Variants in KIF20B observed in about 807,000 individuals in gnomAD.
KIF20B encodes kinesin family member 20B.
Under a neutral mutation model 232.5 loss-of-function variants are expected in KIF20B, and 188 were observed. The ratio of observed to expected loss-of-function variants is 0.81; its 90% CI spans 0.72 to 0.91. The LOEUF (loss-of-function observed/expected upper bound fraction) is 0.91. Among genes scored for constraint, KIF20B ranks in the 40% least tolerant of loss-of-function variants. The pLI is 0.00. For missense variants in KIF20B, 2,154 were observed against 2,055.9 expected (o/e 1.05, Z -0.92); for synonymous variants, 712 against 683.0 (o/e 1.04, Z -0.66).
intron 24 of KIF20B, 121 bp downstream of exon 24, chr10:89,751,592 G>T: frequency 3.1e-6 from 3 of 957,108 alleles, no homozygotes; most frequent in Admixed American, 3.0e-5. Flanking sequence ...AAAAGTATTT[G>T]GTGTTTTTTG....
Position 89,745,956 on chromosome 10 carries a change from A to G in KIF20B, c.4093A>G (p.Lys1365Glu). 6.2e-7 allele frequency: 1 copy of G among 1,609,548 alleles called. No individual in the cohort carries two copies. The highest frequency in any genetic ancestry group is 2.2e-5 in the East Asian group (1 of 44,840). Reference protein sequence around the residue: ...EAIQQYERACKDLNVKEKIIE... With the variant: ...EAIQQYERACEDLNVKEKIIE... ...TATACAACAGTATGAGAGAGCATGC[A>G]AAGGTCAGGAACAAGTTTGTACTTC... is the stretch of plus-strand genomic sequence containing the variant. The change falls in exon 23 of 33, where the codon AAA (lysine) becomes GAA (glutamate). Residue 1365 changes from lysine (K) to glutamate (E), a missense_variant. By Grantham distance (56) the Lys-to-Glu change is moderately conservative. Coordinates refer to ENST00000371728, the MANE Select transcript of KIF20B (RefSeq NM_001284259.2).
At chr10:89,715,637 G>A (rs772963373) in intron 8 of KIF20B, among the ~76,000 whole-genome samples, 11 of 152,028 alleles carry the variant, frequency 7.2e-5, no homozygotes, top group South Asian at 2.1e-4. Flanking sequence ...CAAAAGTTTC[G>A]TTAATTATAC....
chr10:89,705,464 GTTGA>G (rs758209668), intron 2 of KIF20B, 23 bp downstream of exon 2: 1 of 1,607,874 alleles, frequency 6.2e-7, no homozygotes, highest in Admixed American at 1.7e-5. Flanking sequence ...AAAGTATTGT[GTTGA>G]TTATCATGCC....
chr10:89,741,286 T>C (rs1293662910), intron 21 of KIF20B, among the ~76,000 whole-genome samples: 6 of 152,128 alleles, frequency 3.9e-5, no homozygotes. Context: ...CAGGCGGTAA[T>C]GTGAGTGATG....
intron 29 of KIF20B, among the ~76,000 whole-genome samples, chr10:89,763,405 G>C (rs1166029693): frequency 6.6e-6 from 1 of 152,188 alleles, no homozygotes; most frequent in African/African-American, 2.4e-5. Context: ...TTACTGGAGA[G>C]CCATTTCAGT....
intron 29 of KIF20B, among the ~76,000 whole-genome samples, chr10:89,766,721 A>G (rs1257870392): frequency 6.6e-6 from 1 of 152,158 alleles, no homozygotes; most frequent in South Asian, 2.1e-4. Context: ...AATAGTATTA[A>G]CTATACTCCT....
intron 1 of KIF20B, 24 bp from the exon 2 acceptor site, chr10:89,705,270 A>C: frequency 6.2e-7 from 1 of 1,611,020 alleles, no homozygotes; most frequent in Non-Finnish European, 8.5e-7. Flanking sequence ...AAGGTTGTTA[A>C]AGAAGTTGCT....
intron 13 of KIF20B, among the ~76,000 whole-genome samples, chr10:89,722,581 A>G (rs979189330): frequency 2.0e-5 from 3 of 152,146 alleles, no homozygotes; most frequent in Non-Finnish European, 4.4e-5. Context: ...AGGCAGGAGA[A>G]TGGCGTGAAC....
intron 13 of KIF20B, among the ~76,000 whole-genome samples, chr10:89,722,533 G>A (rs576156613): frequency 1.7e-3 from 262 of 152,224 alleles, no homozygotes; most frequent in African/African-American, 6.0e-3. Context: ...GCCAGGCGTG[G>A]TTTCTGGCGC....
chr10:89,768,404 A>G lies in KIF20B; in HGVS notation c.5091+13A>G. 1 of 1,437,602 alleles carries G rather than the reference A, an allele frequency of 7.0e-7. No individual in the cohort carries two copies. Among genetic ancestry groups the G allele is most frequent in the Non-Finnish European group, 9.6e-7 (1 of 1,040,486 alleles). 89.1% of individuals were successfully genotyped at this position (1,437,602 alleles called of 1,614,324 possible). On this transcript the variant is annotated intron_variant, in intron 30 of 32. Coordinates refer to ENST00000371728, the MANE Select transcript of KIF20B (RefSeq NM_001284259.2). ...AAAGGAACAAAAGGTGTGTCTTTTAATTTGTCCAAAATTGTAGCAATTATC... is the reference window on the plus strand; with the variant it reads ...AAAGGAACAAAAGGTGTGTCTTTTAGTTTGTCCAAAATTGTAGCAATTATC...
At chr10:89,703,800 T>C (rs1318848565) in intron 1 of KIF20B, among the ~76,000 whole-genome samples, 9 of 149,660 alleles carry the variant, frequency 6.0e-5, no homozygotes, top group Admixed American at 6.0e-4. Flanking sequence ...GTGTTCAGGC[T>C]GGAGCGCAGT....
At position 89,737,845 on chromosome 10, in the gene KIF20B, T is replaced by C; in HGVS notation, c.3004T>C (p.Ser1002Pro). ...TACTCTTGATTCAGTTTCTCAGATT[T>C]CAAACATAGATTTGCTCAATCTCAG... ...LRTLDSVSQI[S>P]NIDLLNLRDL... Residue 1002 changes from serine to proline, a missense_variant, in exon 20 of 33, where the codon TCA becomes CCA. Coordinates refer to ENST00000371728, the MANE Select transcript of KIF20B (RefSeq NM_001284259.2). 1 of 1,613,568 alleles carries C rather than the reference T, an allele frequency of 6.2e-7. No individual in the cohort carries two copies. The highest frequency in any genetic ancestry group is 1.1e-5 in the South Asian group (1 of 91,066).
In KIF20B at chr10:89,721,440, G is replaced by A. The variant is rs148131548; in HGVS notation, c.1722+1734G>A. On this transcript the variant is annotated intron_variant, in intron 13 of 32. Coordinates refer to ENST00000371728, the MANE Select transcript of KIF20B (RefSeq NM_001284259.2). The stretch of plus-strand genomic sequence containing the variant: ...TAATTCGAGCACTTTGGGAAGCTGA[G>A]GTAGGAGGATTGCTTGAGCTCAGGA... Among the ~76,000 whole-genome samples the A allele has an allele frequency of 2.7e-3, 411 of 152,276 alleles. 6 individuals are homozygous for A. The highest frequency in any genetic ancestry group is 0.01 in the Middle Eastern group (3 of 294).
Position 89,758,621 on chromosome 10 carries a change from G to C in KIF20B, c.4504-85G>C, listed in dbSNP as rs1050208532. The C allele has an allele frequency of 3.6e-6, 3 of 842,958 alleles. No homozygotes were observed. In the African/African-American group the frequency reaches 5.3e-5, roughly 15 times the overall value. 52.2% of individuals were successfully genotyped at this position (842,958 alleles called of 1,614,324 possible). ...TAATCTTGTTTGCAGCTATATTTAT[G>C]GTGTTACATATAATAATTTCTAAAC... On this transcript the variant is annotated intron_variant, in intron 26 of 32. Coordinates refer to ENST00000371728, the MANE Select transcript of KIF20B (RefSeq NM_001284259.2).
intron 22 of KIF20B, among the ~76,000 whole-genome samples, chr10:89,744,704 A>G (rs182596832): frequency 3.9e-5 from 6 of 152,216 alleles, no homozygotes. Context: ...TGAGGCAACA[A>G]TAAAAAAAAT....
At position 89,729,222 on chromosome 10, in the gene KIF20B, A is replaced by T. The variant is rs3758388; in HGVS notation, c.2366A>T (p.His789Leu). 302,521 of 1,479,118 alleles carry T rather than the reference A, an allele frequency of 0.2. 33,299 individuals are homozygous for T. The highest frequency in any genetic ancestry group is 0.32 in the East Asian group (12,710 of 39,126). The allele number at this position is 1,479,118 out of a possible 1,614,324, so 91.6% of individuals were successfully genotyped here. A position where few individuals can be genotyped will look rare whatever the true frequency, so the allele number is the denominator to read the frequency against. Residue 789 changes from histidine to leucine, a missense_variant, in exon 18 of 33, where the codon CAT (histidine) becomes CTT (leucine). Transcript: ENST00000371728. Reference protein sequence around the residue: ...TINEFQNLKSHMENTFKCNDK... With the variant: ...TINEFQNLKSLMENTFKCNDK... ...AACGAATTTCAGAACCTAAAGTCTC[A>T]TATGGAAAACACATTTAAATGCAAT...
At chr10:89,769,585 C>G (rs1842428347) in intron 31 of KIF20B, among the ~76,000 whole-genome samples, 1 of 151,696 alleles carries the variant, frequency 6.6e-6, no homozygotes, top group African/African-American at 2.4e-5. Context: ...TCATAAATAC[C>G]TATTGAGTTT....
At chr10:89,741,706 A>G (rs1280729744) in intron 21 of KIF20B, among the ~76,000 whole-genome samples, 3 of 152,186 alleles carry the variant, frequency 2.0e-5, no homozygotes, top group African/African-American at 7.2e-5. Context: ...GTGGCCAACC[A>G]TGAGCTGAAA....
chr10:89,765,320 A>G (rs1402417150), intron 29 of KIF20B, among the ~76,000 whole-genome samples: 2 of 152,274 alleles, frequency 1.3e-5, no homozygotes, highest in South Asian at 2.1e-4. Flanking sequence ...TAGGAATCCA[A>G]CTTACAAGGG....
Sources: gnomAD v4.1 joint callset for allele counts (sites outside exome capture counted in the v4.1 genomes callset) on GRCh38, gnomAD v4.1.1 for gene constraint, MANE v1.5 for transcripts, NCBI Gene and HGNC (gene_info 2026-07-23, HGNC 2026-07-21) for gene names.